Variants in TUB observed in about 807,000 individuals in gnomAD.
TUB encodes tubby protein homolog.
In TUB, 33 loss-of-function variants were observed where a neutral mutation model predicts 59.7. The ratio of observed to expected loss-of-function variants is 0.55; its 90% CI spans 0.42 to 0.74. The LOEUF is 0.74. Among genes scored for constraint, TUB ranks in the 30% least tolerant of loss-of-function variants. The pLI is 0.00. For missense variants in TUB, 659 were observed against 672.0 expected (o/e 0.98, Z 0.21); for synonymous variants, 293 against 256.4 (o/e 1.14, Z -1.36).
At chr11:8,082,340 G>C (rs1943585250) in intron 1 of TUB, among the ~76,000 whole-genome samples, 1 of 152,336 alleles carries the variant, frequency 6.6e-6, no homozygotes, top group South Asian at 2.1e-4. Context: ...CTCAAGGATG[G>C]CTGGGCTTTC....
chr11:8,058,221 A>T lies in TUB; in HGVS notation c.203+18529A>T, dbSNP rs756455783. 9.6e-4 allele frequency among the ~76,000 whole-genome samples: 15 copies of T among 15,658 alleles called. 1 individual carries two copies. Among genetic ancestry groups the T allele is most frequent in the Middle Eastern group, 0.1 (2 of 20 alleles). 10.3% of individuals were successfully genotyped at this position (15,658 alleles called of 152,430 possible). The stretch of plus-strand genomic sequence containing the variant: ...AGCAAGATCCTCTCTCTCAAAAATT[A>T]AAAAAAAAAAAAAAAAGAAGCGGTA... On this transcript the variant is annotated intron_variant, in intron 2 of 12. Transcript: ENST00000305253.
Position 8,089,602 on chromosome 11 carries a change from C to A in TUB, c.39-8C>A, listed in dbSNP as rs372377451. 2.3e-5 allele frequency: 37 copies of A among 1,613,936 alleles called. No individual in the cohort carries two copies. Among genetic ancestry groups the A allele is most frequent in the Non-Finnish European group, 2.6e-5 (31 of 1,179,932 alleles). On this transcript the variant is annotated splice_polypyrimidine_tract_variant and splice_region_variant and intron_variant, in intron 1 of 11. Coordinates refer to ENST00000299506, the MANE Select transcript of TUB (RefSeq NM_177972.3). The stretch of plus-strand genomic sequence containing the variant: ...GCAAGCCCTGAAAACCCCTCTTTCG[C>A]TCTGCAGTGTCTTAGATGATGAGGG...
chr11:8,086,192 G>C (rs943913117), intron 1 of TUB, among the ~76,000 whole-genome samples: 15 of 152,314 alleles, frequency 9.8e-5, no homozygotes, highest in African/African-American at 3.6e-4. Flanking sequence ...GCCTGGGCTT[G>C]GCAGTTATTC....
upstream of TUB, among the ~76,000 whole-genome samples, chr11:8,033,890 G>A (rs571416449): frequency 4.7e-4 from 72 of 152,368 alleles, no homozygotes; most frequent in Middle Eastern, 3.4e-3. Context: ...TTCCCCCTCT[G>A]GCCTGGTTCT....
Position 8,098,890 on chromosome 11 carries a change from C to G in TUB, c.1116+15C>G. On this transcript the variant is annotated intron_variant, in intron 9 of 11. Coordinates refer to ENST00000299506, the MANE Select transcript of TUB (RefSeq NM_177972.3). ...CTGTGTGCTACGTGAGTCCTAGGTT[C>G]GGGGGTCTCTGATTTCCAAGGTAGA... 6.4e-7 allele frequency: 1 copy of G among 1,574,480 alleles called. No homozygotes were observed. Among genetic ancestry groups the G allele is most frequent in the Non-Finnish European group, 8.7e-7 (1 of 1,144,526 alleles).
At position 8,100,699 on chromosome 11, in the gene TUB, G is replaced by A. The variant is rs568737567; in HGVS notation, c.1215+98G>A. The A allele has an allele frequency of 5.4e-4, 822 of 1,520,248 alleles. 2 individuals carry two copies. The highest frequency in any genetic ancestry group is 5.4e-3 in the African/African-American group (395 of 73,070). The allele number at this position is 1,520,248 out of a possible 1,614,324, so 94.2% of individuals were successfully genotyped here. A position where few individuals can be genotyped will look rare whatever the true frequency, so the allele number is the denominator to read the frequency against. ...CCAGCTGATGTGTGTATGTGGAGGG[G>A]TACCATGTGAGAAAGCCCTGGAGGT... On this transcript the variant is annotated intron_variant, in intron 10 of 11. Coordinates refer to ENST00000299506, the MANE Select transcript of TUB (RefSeq NM_177972.3).
At chr11:8,072,967 G>A (rs1009491843) in intron 2 of TUB, among the ~76,000 whole-genome samples, 3 of 152,170 alleles carry the variant, frequency 2.0e-5, no homozygotes, top group South Asian at 2.1e-4. Flanking sequence ...ATCAGAGAAC[G>A]TTTAGTGCTA....
At chr11:8,090,306 G>A (rs11041737) in intron 3 of TUB, 75 bp downstream of exon 3, 58,573 of 1,557,570 alleles carry the variant, frequency 0.038, 1,639 homozygotes, top group African/African-American at 0.14. Context: ...CTAGGCAGGT[G>A]CGGACTGGTC....
At chr11:8,049,578 T>TATATAGATAG (rs1055522231) in intron 2 of TUB, among the ~76,000 whole-genome samples, 38 of 85,922 alleles carry the variant, frequency 4.4e-4, no homozygotes, top group African/African-American at 1.2e-3. Context: ...TATATATATA[T>TATATAGATAG]ATAGATAGAT....
intron 1 of TUB, among the ~76,000 whole-genome samples, 197 bp downstream of exon 1, chr11:8,081,745 C>A (rs1291071836): frequency 6.6e-6 from 1 of 152,232 alleles, no homozygotes. Context: ...CGCTCCACCC[C>A]CTTATCTGCC....
chr11:8,081,594 C>G, intron 1 of TUB, 46 bp downstream of exon 1: 1 of 1,483,414 alleles, frequency 6.7e-7, no homozygotes. Context: ...CGACTCGGGA[C>G]GTGAGCTGGC....
In TUB at chr11:8,100,649, T is replaced by C. The variant is rs532023398; in HGVS notation, c.1215+48T>C. On this transcript the variant is annotated intron_variant, in intron 10 of 11. Transcript: ENST00000299506. Reference sequence around the variant, plus strand: ...CCTCTTTCCCCATCATCCTAGTCTCTGCATGAGCTTCTAAGGGCAGAACTC... The same window carrying C: ...CCTCTTTCCCCATCATCCTAGTCTCCGCATGAGCTTCTAAGGGCAGAACTC... 3 of 1,583,362 alleles carry C rather than the reference T, an allele frequency of 1.9e-6. No homozygotes were observed. In the South Asian group the frequency reaches 3.3e-5, roughly 18 times the overall value.
intron 1 of TUB, among the ~76,000 whole-genome samples, chr11:8,029,812 G>A (rs1428637840): frequency 2.6e-5 from 4 of 152,206 alleles, no homozygotes; most frequent in African/African-American, 9.7e-5. Flanking sequence ...TGGAGGTCCT[G>A]GCCGTGGCAG....
chr11:8,064,764 C>T (rs554957879), intron 2 of TUB, among the ~76,000 whole-genome samples: 3 of 152,306 alleles, frequency 2.0e-5, no homozygotes, highest in Non-Finnish European at 4.4e-5. Flanking sequence ...ACAGGGCCTC[C>T]TGGGATCTCA....
At chr11:8,097,660 CTG>C (rs892589450) in intron 7 of TUB, 52 bp from the exon 8 acceptor site, 46 of 1,497,480 alleles carry the variant, frequency 3.1e-5, no homozygotes, top group African/African-American at 4.1e-5. Flanking sequence ...GCTCTCATGA[CTG>C]TGTGCAGACC....
chr11:8,044,930 A>G (rs938971817), intron 2 of TUB, among the ~76,000 whole-genome samples: 1 of 152,206 alleles, frequency 6.6e-6, no homozygotes, highest in Non-Finnish European at 1.5e-5. Flanking sequence ...TGGAGCTTCC[A>G]TGACTTCTCC....
At chr11:8,060,260 GC>G (rs1375981571) in intron 2 of TUB, among the ~76,000 whole-genome samples, 6 of 152,314 alleles carry the variant, frequency 3.9e-5, no homozygotes, top group African/African-American at 1.4e-4. Context: ...GTGCTGAAGG[GC>G]CAAGAACTCA....
At chr11:8,051,200 G>A (rs757425610) in intron 2 of TUB, among the ~76,000 whole-genome samples, 2 of 152,148 alleles carry the variant, frequency 1.3e-5, no homozygotes, top group African/African-American at 2.4e-5. Context: ...TGAAAAAAAT[G>A]TGCAGTATGA....
At chr11:8,097,939 TC>T in intron 8 of TUB, 113 bp downstream of exon 8, 1 of 764,082 alleles carries the variant, frequency 1.3e-6, no homozygotes, top group Non-Finnish European at 2.2e-6. Context: ...ATGGATACTC[TC>T]CCAGGATCCT....
Sources: gnomAD v4.1 joint callset for allele counts (sites outside exome capture counted in the v4.1 genomes callset) on GRCh38, gnomAD v4.1.1 for gene constraint, MANE v1.5 for transcripts, NCBI Gene and HGNC (gene_info 2026-07-23, HGNC 2026-07-21) for gene names.